ARFGAP3: variants seen among roughly 807,000 people sequenced by gnomAD.
ARFGAP3 encodes ARF GTPase activating protein 3, also known as ADP-ribosylation factor GTPase-activating protein 3.
ARFGAP3 carries 72 observed loss-of-function variants against 75.0 expected under a neutral mutation model. The observed-to-expected ratio is 0.96, with a 90% confidence interval of 0.79 to 1.17. The LOEUF (loss-of-function observed/expected upper bound fraction) is 1.17. ARFGAP3 is among the 50% of genes most tolerant of loss of function. The probability of loss-of-function intolerance (pLI) is 0.00; values close to 1 mark genes in which losing one functional copy is unlikely to be tolerated. For synonymous variants in ARFGAP3, 221 were observed against 217.9 expected (o/e 1.01, Z -0.13); for missense variants, 620 against 626.6 (o/e 0.99, Z 0.11).
At chr22:42,820,616 C>T (rs1925770429) in intron 9 of ARFGAP3, among the ~76,000 whole-genome samples, 1 of 152,104 alleles carries the variant, frequency 6.6e-6, no homozygotes, top group South Asian at 2.1e-4. Flanking sequence ...ATCATACAGT[C>T]TATAGTAACT....
In ARFGAP3 at chr22:42,822,181, C is replaced by A. The variant is rs937975019; in HGVS notation, c.812+89G>T. 29 of 1,099,962 alleles carry A rather than the reference C, an allele frequency of 2.6e-5. No homozygotes were observed. The African/African-American group carries it at 3.3e-4, about 13-fold the overall frequency. 68.1% of individuals were successfully genotyped at this position (1,099,962 alleles called of 1,614,324 possible). A position where few individuals can be genotyped will look rare whatever the true frequency, so the allele number is the denominator to read the frequency against. On this transcript the variant is annotated intron_variant, in intron 9 of 15. Transcript: ENST00000263245. The stretch of plus-strand genomic sequence containing the variant: ...TGCAGTACCCTCCCTTCCCCCCCCA[C>A]ACAAAAATACATGGCATTTGGAAAG...
chr22:42,806,795 A>G (rs1925142902), intron 14 of ARFGAP3, among the ~76,000 whole-genome samples: 1 of 152,192 alleles, frequency 6.6e-6, no homozygotes, highest in Non-Finnish European at 1.5e-5. Flanking sequence ...ATGGTATTTC[A>G]TAGCACAGCC....
At chr22:42,829,242 A>G (rs1334452893) in intron 6 of ARFGAP3, among the ~76,000 whole-genome samples, 1 of 152,246 alleles carries the variant, frequency 6.6e-6, no homozygotes, top group Non-Finnish European at 1.5e-5. Context: ...TAAGAAACGC[A>G]GTAATTTCCA....
At chr22:42,830,285 C>A (rs1224800526) in intron 6 of ARFGAP3, among the ~76,000 whole-genome samples, 1 of 151,898 alleles carries the variant, frequency 6.6e-6, no homozygotes. Context: ...CCTGGCTATG[C>A]GACTCCTTTT....
At chr22:42,803,628 C>T (rs1203348907) in intron 14 of ARFGAP3, among the ~76,000 whole-genome samples, 3 of 152,172 alleles carry the variant, frequency 2.0e-5, no homozygotes, top group Non-Finnish European at 4.4e-5. Flanking sequence ...TGATGGCAGT[C>T]CCCCAGCTCT....
chr22:42,823,861 T>A, intron 7 of ARFGAP3, 159 bp from the exon 8 acceptor site: 1 of 645,328 alleles, frequency 1.5e-6, no homozygotes, highest in Non-Finnish European at 1.9e-6. Context: ...GATAAGCATA[T>A]TTTGGATTAA....
intron 5 of ARFGAP3, among the ~76,000 whole-genome samples, chr22:42,831,929 T>C (rs974944017): frequency 3.3e-5 from 5 of 152,062 alleles, no homozygotes; most frequent in African/African-American, 9.7e-5. Flanking sequence ...ATTGCAGGCA[T>C]GTGCCACCAC....
At chr22:42,840,449 C>T (rs1221435139) in intron 3 of ARFGAP3, among the ~76,000 whole-genome samples, 1 of 152,074 alleles carries the variant, frequency 6.6e-6, no homozygotes, top group East Asian at 1.9e-4. Context: ...TGGAGTCTCG[C>T]TCTGTCACCC....
rs781467697 is a variant in ARFGAP3, at chr22:42,834,304, C to A, written c.415G>T (p.Val139Phe). The A allele has an allele frequency of 5.0e-6, 8 of 1,613,730 alleles. No homozygotes were observed. In the East Asian group the frequency reaches 1.6e-4, roughly 31 times the overall value. The change falls in exon 5 of 16, where the codon GTT becomes TTT. Residue 139 changes from valine to phenylalanine, a missense_variant. Physicochemically the swap from Val to Phe is conservative, Grantham distance 50. Coordinates refer to ENST00000263245, the MANE Select transcript of ARFGAP3 (RefSeq NM_014570.5). ...GTDLWLDSCV[V>F]PPLSPPPKEE... is the part of the protein sequence containing the mutation. ...TTTGGTGGAGGGGACAAAGGTGGAA[C>A]CACACAACTATCAAGCCACAGCTAG...
chr22:42,815,319 C>CGGA (rs1277298090), intron 11 of ARFGAP3, among the ~76,000 whole-genome samples: 1 of 151,934 alleles, frequency 6.6e-6, no homozygotes, highest in East Asian at 1.9e-4. Context: ...TAAAGTGAAA[C>CGGA]TTGGTGCATT....
At position 42,847,586 on chromosome 22, in the gene ARFGAP3, G is replaced by T; in HGVS notation, c.116C>A (p.Thr39Asn). 1 of 1,613,402 alleles carries T rather than the reference G, an allele frequency of 6.2e-7. No individual in the cohort carries two copies. The highest frequency in any genetic ancestry group is 8.5e-7 in the Non-Finnish European group (1 of 1,179,710). The part of the protein sequence containing the change: ...GAKNPSWASI[T>N]YGVFLCIDCS... ...ATCAATGCAAAGGAACACTCCATAG[G>T]TTATGCTTGCCCAGCTGGGATTTTT... Residue 39 changes from threonine to asparagine, a missense_variant, in exon 2 of 16, where the codon ACC (threonine) becomes AAC (asparagine). Transcript: ENST00000263245.
intron 13 of ARFGAP3, 69 bp from the exon 14 acceptor site, chr22:42,807,232 T>C (rs17003350): frequency 0.03 from 45,380 of 1,522,012 alleles, 835 homozygotes; most frequent in African/African-American, 0.074. Flanking sequence ...AAAGAATCAC[T>C]GAAGAGCTGT....
intron 7 of ARFGAP3, among the ~76,000 whole-genome samples, chr22:42,824,685 A>G (rs1174255624): frequency 6.6e-6 from 1 of 152,022 alleles, no homozygotes; most frequent in Non-Finnish European, 1.5e-5. Flanking sequence ...AAAAATCATT[A>G]TAATTTTCCA....
At chr22:42,815,972 G>A (rs1033228662) in intron 11 of ARFGAP3, among the ~76,000 whole-genome samples, 1 of 152,054 alleles carries the variant, frequency 6.6e-6, no homozygotes. Flanking sequence ...AAATTAGCCG[G>A]GTATGGTGGC....
At chr22:42,804,376 ATTTTTTTTTT>A (rs1169858932) in intron 14 of ARFGAP3, among the ~76,000 whole-genome samples, 2 of 74,478 alleles carry the variant, frequency 2.7e-5, no homozygotes, top group Non-Finnish European at 4.8e-5. Context: ...CACCCAGCTA[ATTTTTTTTTT>A]TTTTTTTTTT....
At chr22:42,851,352 C>T (rs183175482) in intron 1 of ARFGAP3, among the ~76,000 whole-genome samples, 69 of 152,362 alleles carry the variant, frequency 4.5e-4, no homozygotes, top group African/African-American at 1.6e-3. Context: ...GGTCACCAGA[C>T]TGGCTACAAG....
intron 14 of ARFGAP3, among the ~76,000 whole-genome samples, chr22:42,801,411 G>T (rs1924855321): frequency 6.6e-6 from 1 of 152,226 alleles, no homozygotes; most frequent in Admixed American, 6.5e-5. Context: ...ACCCACAACT[G>T]ATGTTTGCTG....
intron 1 of ARFGAP3, among the ~76,000 whole-genome samples, chr22:42,855,521 A>G (rs1419444370): frequency 6.6e-6 from 1 of 151,954 alleles, no homozygotes; most frequent in Non-Finnish European, 1.5e-5. Context: ...CCTCGTCTCT[A>G]CTAAAAATAT....
At chr22:42,828,470 C>T (rs1021060164) in intron 6 of ARFGAP3, among the ~76,000 whole-genome samples, 3 of 151,734 alleles carry the variant, frequency 2.0e-5, no homozygotes, top group African/African-American at 4.8e-5. Context: ...ACAGGAGAAT[C>T]GCTTGAACCC....
Sources: allele counts gnomAD v4.1 joint callset (sites outside exome capture counted in the v4.1 genomes callset), GRCh38; gene constraint gnomAD v4.1.1; transcripts MANE v1.5; gene names NCBI Gene and HGNC (gene_info 2026-07-23, HGNC 2026-07-21).